The following MAF variants were observed in gnomAD, a reference collection of about 807,000 sequenced individuals.
MAF encodes transcription factor Maf.
Under a neutral mutation model 22.0 loss-of-function variants are expected in MAF, and 10 were observed. That is an observed-to-expected ratio of 0.45 (90% CI 0.28 to 0.77). The LOEUF is 0.77. Ranked by LOEUF, MAF falls within the 30% of genes least tolerant of loss-of-function variation. MAF has a pLI of 0.12. For missense variants in MAF, 544 were observed against 548.4 expected (o/e 0.99, Z 0.08); for synonymous variants, 337 against 255.8 (o/e 1.32, Z -3.03).
the MAF span, among the ~76,000 whole-genome samples, chr16:79,531,616 C>A: frequency 6.6e-6 from 1 of 152,110 alleles, no homozygotes; most frequent in East Asian, 1.9e-4. Context: ...AGGGCACAAC[C>A]TAGATCCCTT....
At chr16:79,562,271 G>A in the MAF span, among the ~76,000 whole-genome samples, 5 of 152,270 alleles carry the variant, frequency 3.3e-5, no homozygotes, top group East Asian at 3.9e-4. Flanking sequence ...CTACACCAAC[G>A]AATTGTGAAG....
chr16:79,321,004 G>C, the MAF span, among the ~76,000 whole-genome samples: 4 of 152,200 alleles, frequency 2.6e-5, no homozygotes, highest in African/African-American at 9.7e-5. Context: ...GTTAGACCCA[G>C]GTGACTAACT....
the MAF span, among the ~76,000 whole-genome samples, chr16:79,286,247 C>T: frequency 6.6e-6 from 1 of 152,144 alleles, no homozygotes; most frequent in East Asian, 1.9e-4. Context: ...AGACTCTCCC[C>T]AGAAAGTCTA....
At chr16:79,419,728 G>C in the MAF span, among the ~76,000 whole-genome samples, 1 of 152,122 alleles carries the variant, frequency 6.6e-6, no homozygotes, top group African/African-American at 2.4e-5. Flanking sequence ...AACCTAGACC[G>C]AGCTCACCTT....
At chr16:79,394,460 T>G in the MAF span, among the ~76,000 whole-genome samples, 2 of 152,224 alleles carry the variant, frequency 1.3e-5, no homozygotes, top group Non-Finnish European at 2.9e-5. Flanking sequence ...CATCTTTTAC[T>G]GCCTGCATCT....
At chr16:79,448,755 T>C in the MAF span, among the ~76,000 whole-genome samples, 59 of 146,620 alleles carry the variant, frequency 4.0e-4, no homozygotes, top group African/African-American at 1.4e-3. Context: ...TATATACATT[T>C]AAAAAAAAAA....
the MAF span, among the ~76,000 whole-genome samples, chr16:79,368,413 G>A: frequency 6.6e-6 from 1 of 151,988 alleles, no homozygotes; most frequent in Admixed American, 6.6e-5. Flanking sequence ...ATGTTCCACG[G>A]GTCTACGATT....
chr16:79,258,823 G>A, the MAF span, among the ~76,000 whole-genome samples: 1 of 152,116 alleles, frequency 6.6e-6, no homozygotes, highest in African/African-American at 2.4e-5. Flanking sequence ...CCACCCCCAA[G>A]GTCTCTCTGC....
At chr16:79,468,557 G>A in the MAF span, among the ~76,000 whole-genome samples, 20 of 152,334 alleles carry the variant, frequency 1.3e-4, no homozygotes, top group Admixed American at 1.2e-3. Context: ...CAGGTCTGGA[G>A]CAGCCCCAGC....
chr16:79,254,459 C>T, the MAF span, among the ~76,000 whole-genome samples: 4 of 152,140 alleles, frequency 2.6e-5, no homozygotes, highest in African/African-American at 9.7e-5. Context: ...TTACCATTAT[C>T]AATAATACTC....
the MAF span, among the ~76,000 whole-genome samples, chr16:79,315,302 A>T: frequency 1.3e-5 from 2 of 152,184 alleles, no homozygotes; most frequent in Non-Finnish European, 2.9e-5. Flanking sequence ...CAGTTAGGGG[A>T]CTATGAAATT....
the MAF span, among the ~76,000 whole-genome samples, chr16:79,553,639 G>A: frequency 1.3e-5 from 2 of 152,194 alleles, no homozygotes; most frequent in African/African-American, 4.8e-5. Flanking sequence ...AAATGCCAGA[G>A]CCTCAAAGAA....
chr16:79,299,699 G>A, the MAF span, among the ~76,000 whole-genome samples: 210 of 152,328 alleles, frequency 1.4e-3, no homozygotes, highest in South Asian at 3.9e-3. Context: ...CAACCCAGAG[G>A]CACCTTGATC....
At chr16:79,524,245 G>A in the MAF span, among the ~76,000 whole-genome samples, 7 of 152,152 alleles carry the variant, frequency 4.6e-5, no homozygotes, top group African/African-American at 1.7e-4. Context: ...CTTCCGCAGG[G>A]GGAGTTAATT....
the MAF span, among the ~76,000 whole-genome samples, chr16:79,351,135 G>T: frequency 5.3e-5 from 8 of 152,268 alleles, no homozygotes; most frequent in South Asian, 1.5e-3. Flanking sequence ...CCTCATTTTG[G>T]AAAGTGACTA....
At chr16:79,591,300 G>A (rs898004687), downstream of MAF, among the ~76,000 whole-genome samples, 1 of 152,040 alleles carries the variant, frequency 6.6e-6, no homozygotes, top group Non-Finnish European at 1.5e-5. Context: ...AGGAGTGCAG[G>A]GGAAAATACA....
At chr16:79,589,442 G>A (rs913858078), downstream of MAF, among the ~76,000 whole-genome samples, 3 of 151,940 alleles carry the variant, frequency 2.0e-5, no homozygotes, top group Admixed American at 6.6e-5. Context: ...TTTCCCGCTT[G>A]CCTTTCTCTT....
chr16:79,242,272 G>T, the MAF span, among the ~76,000 whole-genome samples: 1 of 151,550 alleles, frequency 6.6e-6, no homozygotes, highest in Non-Finnish European at 1.5e-5. Context: ...AAGACCCATA[G>T]GTGTGTGGTA....
chr16:79,313,991 C>G, the MAF span, among the ~76,000 whole-genome samples: 1 of 152,152 alleles, frequency 6.6e-6, no homozygotes, highest in Non-Finnish European at 1.5e-5. Context: ...AAAACTATGG[C>G]GTTGGAATAC....
Sources: gnomAD v4.1 joint callset for allele counts (sites outside exome capture counted in the v4.1 genomes callset) on GRCh38, gnomAD v4.1.1 for gene constraint, MANE v1.5 for transcripts, NCBI Gene and HGNC (gene_info 2026-07-23, HGNC 2026-07-21) for gene names.